The following NOL8 variants were observed in gnomAD, a reference collection of about 807,000 sequenced individuals.
The protein encoded by NOL8 is nucleolar protein Nop132.
NOL8 carries 93 observed loss-of-function variants against 116.1 expected under a neutral mutation model. The ratio of observed to expected loss-of-function variants is 0.80; its 90% CI spans 0.68 to 0.95. NOL8 has a LOEUF of 0.95. Among genes scored for constraint, NOL8 ranks in the 40% least tolerant of loss-of-function variants. NOL8 has a pLI of 0.00. For synonymous variants in NOL8, 419 were observed against 469.0 expected, an observed-to-expected ratio of 0.89 and a Z score of 1.38; for missense variants, 1,291 against 1,382.8, an observed-to-expected ratio of 0.93 and a Z score of 1.05.
intron 7 of NOL8, among the ~76,000 whole-genome samples, chr9:92,312,913 G>T (rs985093952): frequency 5.5e-5 from 8 of 146,734 alleles, no homozygotes; most frequent in African/African-American, 1.8e-4. Context: ...TCTGTACACC[G>T]AACCTCCAAG....
At chr9:92,319,990 A>G (rs1839788446) in intron 4 of NOL8, 2 of 444,170 alleles carry the variant, frequency 4.5e-6, no homozygotes, top group Non-Finnish European at 9.1e-6. Context: ...ATGGAAGACC[A>G]AGACCATGGA....
intron 12 of NOL8, among the ~76,000 whole-genome samples, chr9:92,305,142 G>T (rs187376700): frequency 4.6e-5 from 7 of 152,162 alleles, no homozygotes; most frequent in African/African-American, 1.7e-4. Flanking sequence ...TAAGTTAAGG[G>T]TCCTAGGATG....
chr9:92,299,826 A>G, intron 14 of NOL8, 64 bp downstream of exon 14: 4 of 1,530,970 alleles, frequency 2.6e-6, no homozygotes, highest in South Asian at 1.2e-5. Context: ...AAATATTTCT[A>G]AAGTATGTCT....
At chr9:92,303,177 T>A (rs1837898725) in intron 12 of NOL8, among the ~76,000 whole-genome samples, 1 of 152,186 alleles carries the variant, frequency 6.6e-6, no homozygotes, top group Non-Finnish European at 1.5e-5. Flanking sequence ...TGAAGACTCC[T>A]AATCTCCAGA....
At chr9:92,322,537 A>C (rs1044331600) in intron 3 of NOL8, among the ~76,000 whole-genome samples, 1 of 152,160 alleles carries the variant, frequency 6.6e-6, no homozygotes, top group African/African-American at 2.4e-5. Context: ...TGGTATTTTT[A>C]GTAAAGATGG....
In NOL8 at chr9:92,310,116, G is replaced by A. The variant is rs1024495931; in HGVS notation, c.2686+55C>T. ...GTTAAACAAAGGAGGTATACTAGGT[G>A]ATTTCTCAGTGTCCCCAGATATGAC... On this transcript the variant is annotated intron_variant, in intron 10 of 16. Coordinates refer to ENST00000442668, the MANE Select transcript of NOL8 (RefSeq NM_017948.6). 38 of 1,264,956 alleles carry A rather than the reference G, an allele frequency of 3.0e-5. No homozygotes were observed. The African/African-American group carries it at 3.8e-4, about 13-fold the overall frequency. 78.4% of individuals were successfully genotyped at this position (1,264,956 alleles called of 1,614,324 possible).
intron 7 of NOL8, among the ~76,000 whole-genome samples, chr9:92,312,446 TAAA>T (rs34116665): frequency 0.031 from 1,792 of 57,558 alleles, 93 homozygotes; most frequent in African/African-American, 0.13. Flanking sequence ...TGAGACCCTG[TAAA>T]AAAAAAAAAA....
intron 3 of NOL8, among the ~76,000 whole-genome samples, chr9:92,322,502 G>A (rs1840009509): frequency 6.6e-6 from 1 of 152,132 alleles, no homozygotes; most frequent in Non-Finnish European, 1.5e-5. Context: ...GATTACAGGT[G>A]TCTGCCACCA....
chr9:92,317,495 G>A (rs549167679), intron 6 of NOL8, among the ~76,000 whole-genome samples: 1 of 152,284 alleles, frequency 6.6e-6, no homozygotes, highest in South Asian at 2.1e-4. Flanking sequence ...GGTGCAACTA[G>A]GGCCTGGATT....
rs1235519775 is a variant in NOL8, at chr9:92,306,881, C to T, written c.2825+5G>A. The T allele has an allele frequency of 2.0e-5, 33 of 1,610,174 alleles. No individual in the cohort carries two copies. The highest frequency in any genetic ancestry group is 2.7e-5 in the Non-Finnish European group (32 of 1,178,220). On this transcript the variant is annotated splice_donor_5th_base_variant and intron_variant, in intron 11 of 16. Coordinates refer to ENST00000442668, the MANE Select transcript of NOL8 (RefSeq NM_017948.6). The stretch of plus-strand genomic sequence containing the variant: ...TGGTAGAATGGGATGGAACATAAAA[C>T]ATACTTAAATTTCTTAGCAGCTACT...
chr9:92,304,990 A>G (rs1365914361), intron 12 of NOL8, among the ~76,000 whole-genome samples: 1 of 151,990 alleles, frequency 6.6e-6, no homozygotes, highest in African/African-American at 2.4e-5. Flanking sequence ...TGTTTATCCA[A>G]CTGACTGCAC....
At chr9:92,323,299 G>A (rs1207271939) in intron 3 of NOL8, 142 bp downstream of exon 3, 30 of 1,536,406 alleles carry the variant, frequency 2.0e-5, no homozygotes, top group Non-Finnish European at 2.4e-5. Context: ...TGAGTTATAC[G>A]ATACTGGAAT....
At chr9:92,299,769 T>TA in intron 14 of NOL8, 121 bp downstream of exon 14, 1 of 1,064,628 alleles carries the variant, frequency 9.4e-7, no homozygotes, top group East Asian at 2.7e-5. Flanking sequence ...AAAAATAAAA[T>TA]AAAAAAAGAA....
chr9:92,321,848 TCA>T (rs912157222), intron 3 of NOL8, 102 bp from the exon 4 acceptor site: 12 of 621,616 alleles, frequency 1.9e-5, no homozygotes, highest in Non-Finnish European at 3.2e-5. Flanking sequence ...GGCTTGTTTA[TCA>T]CAAAGAGATC....
Position 92,311,093 on chromosome 9 carries a change from T to A in NOL8, c.2472+53A>T, listed in dbSNP as rs79097249. On this transcript the variant is annotated intron_variant, in intron 8 of 16. Coordinates refer to ENST00000442668, the MANE Select transcript of NOL8 (RefSeq NM_017948.6). ...TGTTGAGATTGCCAGTTGTTTGTGG[T>A]GTGGATCTGCAGAAGTAGATGAATG... 6.3e-4 allele frequency: 866 copies of A among 1,369,530 alleles called. 3 individuals carry two copies. The East Asian group carries it at 0.017, about 26-fold the overall frequency. 84.8% of individuals were successfully genotyped at this position (1,369,530 alleles called of 1,614,324 possible).
chr9:92,313,305 T>C (rs1416275976), intron 7 of NOL8, among the ~76,000 whole-genome samples: 2 of 152,328 alleles, frequency 1.3e-5, no homozygotes, highest in South Asian at 4.1e-4. Flanking sequence ...GTTTTCATCA[T>C]GGTCTGAAGG....
At chr9:92,300,208 C>T (rs1340776668) in intron 13 of NOL8, 192 bp from the exon 14 acceptor site, 2 of 1,240,100 alleles carry the variant, frequency 1.6e-6, no homozygotes, top group Non-Finnish European at 2.0e-6. Flanking sequence ...TCAGAAGCCA[C>T]TATCATAATT....
In NOL8 at chr9:92,318,681, C is replaced by A. The variant is rs768081689; in HGVS notation, c.423G>T (p.Trp141Cys). The change falls in exon 6 of 17, where the codon TGG (tryptophan) becomes TGT (cysteine). Residue 141 changes from tryptophan (W) to cysteine (C), a missense_variant. Trp to Cys is a radical substitution (Grantham distance 215). Transcript: ENST00000442668. ...PGTEVPGHKN[W>C]VVSKFGRVLP... The stretch of plus-strand genomic sequence containing the variant: ...AGACTCTTCCAAATTTGCTCACAAC[C>A]CAATTCTAAAAGAAAAAAAAAGAAT... The A allele has an allele frequency of 1.2e-5, 19 of 1,582,058 alleles. No homozygotes were observed. Among genetic ancestry groups the A allele is most frequent in the South Asian group, 8.3e-5 (7 of 84,524 alleles).
At chr9:92,306,673 C>G (rs1211435184) in intron 11 of NOL8, among the ~76,000 whole-genome samples, 1 of 152,158 alleles carries the variant, frequency 6.6e-6, no homozygotes, top group Non-Finnish European at 1.5e-5. Context: ...AGCGATGCTG[C>G]TATGACATCT....
Sources: gnomAD v4.1 joint callset for allele counts (sites outside exome capture counted in the v4.1 genomes callset) on GRCh38, gnomAD v4.1.1 for gene constraint, MANE v1.5 for transcripts, NCBI Gene and HGNC (gene_info 2026-07-23, HGNC 2026-07-21) for gene names.